Variants in CADPS observed in about 807,000 individuals in gnomAD.
The protein encoded by CADPS is calcium-dependent secretion activator 1.
In CADPS, 57 loss-of-function variants were observed where a neutral mutation model predicts 167.3. The ratio of observed to expected loss-of-function variants is 0.34; its 90% CI spans 0.28 to 0.42. The LOEUF is 0.42. Ranked by LOEUF, CADPS falls within the 20% of genes least tolerant of loss-of-function variation. The pLI, the probability that CADPS is intolerant of heterozygous loss-of-function variation, is 1.00. For missense variants in CADPS, 1,414 were observed against 1,738.1 expected (o/e 0.81, Z 3.32); for synonymous variants, 676 against 635.3 (o/e 1.06, Z -0.96).
chr3:62,807,981 C>T (rs1285655971), intron 1 of CADPS, among the ~76,000 whole-genome samples: 2 of 152,056 alleles, frequency 1.3e-5, no homozygotes, highest in African/African-American at 4.8e-5. Context: ...TCACGCGATT[C>T]TCCTGCCTCA....
chr3:62,696,905 C>A (rs565314832), intron 3 of CADPS, among the ~76,000 whole-genome samples: 3 of 152,100 alleles, frequency 2.0e-5, no homozygotes, highest in South Asian at 2.1e-4. Context: ...TGAAAATTGA[C>A]CTTCTGTGAT....
chr3:62,867,485 G>A (rs73097485), intron 1 of CADPS, among the ~76,000 whole-genome samples: 20,486 of 151,824 alleles, frequency 0.13, 1,552 homozygotes, highest in African/African-American at 0.16. Context: ...CCTGTTTTTT[G>A]TTCAAAGAAA....
intron 1 of CADPS, among the ~76,000 whole-genome samples, chr3:62,817,383 C>T (rs1376137766): frequency 2.0e-5 from 3 of 152,152 alleles, no homozygotes; most frequent in Non-Finnish European, 4.4e-5. Flanking sequence ...CAGGTTGTCA[C>T]ACCATTCAAC....
chr3:62,740,418 A>C (rs2079963252), intron 3 of CADPS, among the ~76,000 whole-genome samples: 1 of 152,178 alleles, frequency 6.6e-6, no homozygotes, highest in Non-Finnish European at 1.5e-5. Context: ...TAGGGTGTTT[A>C]ATTTTAATAC....
intron 3 of CADPS, among the ~76,000 whole-genome samples, chr3:62,690,886 T>C (rs1199886554): frequency 6.6e-6 from 1 of 152,030 alleles, no homozygotes; most frequent in East Asian, 1.9e-4. Flanking sequence ...CAGATATTCA[T>C]AGCAGCTTTA....
chr3:62,464,530 T>G (rs77278860), intron 26 of CADPS, among the ~76,000 whole-genome samples: 1 of 151,124 alleles, frequency 6.6e-6, no homozygotes, highest in Non-Finnish European at 1.5e-5. Context: ...TCAGGAAGAG[T>G]GGGAGAACTG....
chr3:62,869,088 C>T (rs2082189165), intron 1 of CADPS, among the ~76,000 whole-genome samples: 1 of 151,996 alleles, frequency 6.6e-6, no homozygotes, highest in South Asian at 2.1e-4. Flanking sequence ...GTTGAGCATC[C>T]CTAATCCAAA....
At chr3:62,431,832 T>G (rs1268270124) in intron 28 of CADPS, among the ~76,000 whole-genome samples, 1 of 151,500 alleles carries the variant, frequency 6.6e-6, no homozygotes, top group Non-Finnish European at 1.5e-5. Flanking sequence ...GCAATTTTTT[T>G]GCTTACTCAT....
At chr3:62,568,662 C>T (rs184900013) in intron 9 of CADPS, among the ~76,000 whole-genome samples, 1 of 152,334 alleles carries the variant, frequency 6.6e-6, no homozygotes, top group East Asian at 1.9e-4. Context: ...AGCTTGCAGA[C>T]AGCCTATTGT....
intron 3 of CADPS, among the ~76,000 whole-genome samples, chr3:62,692,425 C>T (rs1289332845): frequency 3.9e-5 from 6 of 152,032 alleles, no homozygotes; most frequent in Non-Finnish European, 8.8e-5. Flanking sequence ...AATTCATCTG[C>T]ATTCTTTCCC....
chr3:62,663,611 C>CAAAA (rs34328613), intron 3 of CADPS, among the ~76,000 whole-genome samples: 6 of 120,216 alleles, frequency 5.0e-5, no homozygotes, highest in African/African-American at 1.3e-4. Context: ...TCCCTGCCTC[C>CAAAA]AAAAAAAAAA....
intron 3 of CADPS, among the ~76,000 whole-genome samples, chr3:62,701,632 A>T (rs1331127858): frequency 6.6e-6 from 1 of 151,590 alleles, no homozygotes; most frequent in East Asian, 1.9e-4. Context: ...AGAAAGAAAG[A>T]AAGGAAAAGA....
At chr3:62,517,753 T>C (rs1476552096) in intron 14 of CADPS, among the ~76,000 whole-genome samples, 1 of 152,120 alleles carries the variant, frequency 6.6e-6, no homozygotes. Context: ...GCCAGTGCTG[T>C]TTCTGCGGTA....
At chr3:62,865,387 A>T (rs866831545) in intron 1 of CADPS, among the ~76,000 whole-genome samples, 2,179 of 71,694 alleles carry the variant, frequency 0.03, 43 homozygotes, top group African/African-American at 0.091. Flanking sequence ...TTAAGGATTA[A>T]AAAAAAAAAA....
intron 3 of CADPS, among the ~76,000 whole-genome samples, chr3:62,697,049 A>G (rs1353340687): frequency 1.3e-5 from 2 of 152,114 alleles, no homozygotes; most frequent in Non-Finnish European, 2.9e-5. Flanking sequence ...CAAAGACTTG[A>G]GTGCAAATCT....
intron 17 of CADPS, 122 bp from the exon 18 acceptor site, chr3:62,499,390 T>C: frequency 1.5e-6 from 1 of 660,108 alleles, no homozygotes; most frequent in South Asian, 1.7e-5. Flanking sequence ...TTCATGCAAA[T>C]GTTAAGTGCC....
At chr3:62,454,443 A>C (rs984001621) in intron 26 of CADPS, among the ~76,000 whole-genome samples, 1 of 152,198 alleles carries the variant, frequency 6.6e-6, no homozygotes, top group South Asian at 2.1e-4. Context: ...CAGGGCACAC[A>C]GTCAAGAAGT....
At chr3:62,663,611 CAAAAAAA>C (rs34328613) in intron 3 of CADPS, among the ~76,000 whole-genome samples, 45 of 120,216 alleles carry the variant, frequency 3.7e-4, no homozygotes, top group East Asian at 1.7e-3. Context: ...TCCCTGCCTC[CAAAAAAA>C]AAAAAAAAAA....
intron 4 of CADPS, among the ~76,000 whole-genome samples, chr3:62,651,364 G>C (rs2070096292): frequency 6.6e-6 from 1 of 152,128 alleles, no homozygotes; most frequent in Non-Finnish European, 1.5e-5. Context: ...GTTTCCTTCA[G>C]CAAATTTGAT....
Sources: allele counts gnomAD v4.1 joint callset (sites outside exome capture counted in the v4.1 genomes callset), GRCh38; gene constraint gnomAD v4.1.1; transcripts MANE v1.5; gene names NCBI Gene and HGNC (gene_info 2026-07-23, HGNC 2026-07-21).